RARB: variants seen among roughly 807,000 people sequenced by gnomAD.
RARB encodes the protein HBV-activated protein.
In RARB, 17 loss-of-function variants were observed where a neutral mutation model predicts 51.9. The ratio of observed to expected loss-of-function variants is 0.33; its 90% CI spans 0.22 to 0.49. RARB has a LOEUF of 0.49. Ranked by LOEUF, RARB falls within the 20% of genes least tolerant of loss-of-function variation. The pLI is 0.99. For missense variants in RARB, 369 were observed against 550.8 expected, an observed-to-expected ratio of 0.67 and a Z score of 3.30; for synonymous variants, 215 against 195.4, an observed-to-expected ratio of 1.10 and a Z score of -0.84.
intron 5 of RARB, among the ~76,000 whole-genome samples, chr3:25,357,787 G>A (rs1705791381): frequency 6.6e-6 from 1 of 152,026 alleles, no homozygotes; most frequent in Admixed American, 6.6e-5. Flanking sequence ...CCCATTTCTT[G>A]TTTTTGTCCG....
At chr3:25,278,719 A>G (rs750289391) in intron 5 of RARB, among the ~76,000 whole-genome samples, 1 of 152,186 alleles carries the variant, frequency 6.6e-6, no homozygotes, top group Non-Finnish European at 1.5e-5. Context: ...TTACAAGGCA[A>G]ATTTGCATGT....
intron 3 of RARB, among the ~76,000 whole-genome samples, chr3:25,546,311 G>C (rs1261955756): frequency 6.6e-6 from 1 of 152,212 alleles, no homozygotes; most frequent in Non-Finnish European, 1.5e-5. Context: ...TGCCACACTG[G>C]GGTGAATAGC....
At chr3:24,942,830 C>T (rs1352500554) in intron 2 of RARB, among the ~76,000 whole-genome samples, 1 of 152,154 alleles carries the variant, frequency 6.6e-6, no homozygotes, top group Non-Finnish European at 1.5e-5. Flanking sequence ...GATTCAATAT[C>T]TGAATTCATA....
intron 3 of RARB, among the ~76,000 whole-genome samples, chr3:25,519,314 A>T (rs1428660009): frequency 7.1e-6 from 1 of 140,416 alleles, no homozygotes; most frequent in Non-Finnish European, 1.5e-5. Flanking sequence ...TCACAGGGAC[A>T]CGTGTTTAAT....
chr3:25,498,062 A>G (rs2125600912), intron 2 of RARB, among the ~76,000 whole-genome samples: 1 of 152,312 alleles, frequency 6.6e-6, no homozygotes, highest in East Asian at 1.9e-4. Context: ...GTCCAGTATG[A>G]GTGAAATGAC....
chr3:25,358,639 T>C (rs1705827264), intron 5 of RARB, among the ~76,000 whole-genome samples: 1 of 152,206 alleles, frequency 6.6e-6, no homozygotes, highest in South Asian at 2.1e-4. Flanking sequence ...TCTTATTATT[T>C]TGAGATATGT....
intron 3 of RARB, among the ~76,000 whole-genome samples, chr3:25,130,012 C>T (rs1444295636): frequency 1.3e-5 from 2 of 152,036 alleles, no homozygotes; most frequent in Non-Finnish European, 2.9e-5. Flanking sequence ...CGTGGAGTAT[C>T]TTTAGGAAGA....
rs371423964 is a variant in RARB at position 25,468,118 on chromosome 3, ACTT to A, written c.306+6783_306+6785del. Among the ~76,000 whole-genome samples the A allele has an allele frequency of 2.6e-4, 39 of 152,266 alleles. No homozygotes were observed. In the East Asian group the frequency reaches 5.2e-3, roughly 20 times the overall value. On this transcript the variant is annotated intron_variant, in intron 2 of 7. Transcript: ENST00000330688. ...ACACTTGGATTCTCGGAGCATTTCT[ACTT>A]CTTCTGGCTATGTCCATTGACTTCT...
At chr3:25,059,192 T>G (rs1485843379) in intron 2 of RARB, among the ~76,000 whole-genome samples, 3 of 151,886 alleles carry the variant, frequency 2.0e-5, no homozygotes, top group Non-Finnish European at 4.4e-5. Flanking sequence ...TTAATTACAT[T>G]GTTGCATCTC....
intron 2 of RARB, among the ~76,000 whole-genome samples, chr3:24,991,758 G>GGT (rs1346824538): frequency 1.3e-5 from 2 of 149,834 alleles, no homozygotes; most frequent in Non-Finnish European, 3.0e-5. Flanking sequence ...CCATATGGAG[G>GGT]GTGTTTTTTT....
intron 1 of RARB, among the ~76,000 whole-genome samples, chr3:25,441,773 A>C (rs774572274): frequency 6.6e-6 from 1 of 152,000 alleles, no homozygotes; most frequent in South Asian, 2.1e-4. Context: ...CTCCTTTTGC[A>C]TATGTTTGTT....
intron 2 of RARB, among the ~76,000 whole-genome samples, chr3:25,053,114 G>A (rs754762606): frequency 1.3e-5 from 2 of 152,134 alleles, no homozygotes; most frequent in African/African-American, 2.4e-5. Flanking sequence ...GGAGTAGGCT[G>A]AGGGGGAGAG....
At position 25,428,920 on chromosome 3, in the gene RARB, GA is replaced by G. The variant is rs538896356; in HGVS notation, c.157+42del. ...TTATTTTTTTCCCTTCTTCTACCAA[GA>G]AAAAAAAAATTGTCTCTCTTGCATG... On this transcript the variant is annotated intron_variant, in intron 1 of 7. Transcript: ENST00000330688. 4.5e-4 allele frequency: 658 copies of G among 1,469,710 alleles called. 1 individual carries two copies. Among genetic ancestry groups the G allele is most frequent in the South Asian group, 1.2e-3 (93 of 75,832 alleles). 91.0% of individuals were successfully genotyped at this position (1,469,710 alleles called of 1,614,324 possible).
chr3:25,149,500 C>A (rs1355955207), intron 4 of RARB, among the ~76,000 whole-genome samples: 1 of 152,200 alleles, frequency 6.6e-6, no homozygotes, highest in Admixed American at 6.5e-5. Context: ...CTCACAAACG[C>A]ATTGCCAAAG....
intron 2 of RARB, among the ~76,000 whole-genome samples, chr3:24,960,242 T>C (rs913159624): frequency 1.3e-5 from 2 of 152,220 alleles, no homozygotes; most frequent in African/African-American, 4.8e-5. Flanking sequence ...TATCAGATGG[T>C]TGCCTTTAAA....
intron 2 of RARB, among the ~76,000 whole-genome samples, chr3:24,964,139 C>G (rs147156817): frequency 5.3e-5 from 8 of 151,898 alleles, no homozygotes; most frequent in African/African-American, 9.7e-5. Flanking sequence ...TCCACCCCCC[C>G]ACCCCACATA....
rs544013828 is a variant in RARB at position 25,383,234 on chromosome 3, G to A, written c.179-77959G>A. Among the ~76,000 whole-genome samples, 20 of 152,296 alleles carry A rather than the reference G, an allele frequency of 1.3e-4. 1 individual carries two copies. The South Asian group carries it at 4.1e-3, about 32-fold the overall frequency. On this transcript the variant is annotated intron_variant, in intron 5 of 11. Transcript: ENST00000383772. ...ACAAAATGAGTCATAGAGCCAAGGT[G>A]AGAACCCATGTCCTCTGAATTGTGA... is the stretch of plus-strand genomic sequence containing the variant.
chr3:25,125,250 A>C (rs1699842962), intron 3 of RARB, among the ~76,000 whole-genome samples: 1 of 152,214 alleles, frequency 6.6e-6, no homozygotes, highest in African/African-American at 2.4e-5. Context: ...GGAGGTAATC[A>C]GTGGAGCAGA....
At chr3:24,909,114 T>C (rs1187977490) in intron 2 of RARB, among the ~76,000 whole-genome samples, 1 of 152,208 alleles carries the variant, frequency 6.6e-6, no homozygotes, top group Non-Finnish European at 1.5e-5. Flanking sequence ...AATGGCCTTT[T>C]GGTGGAGTAG....
Sources: allele counts gnomAD v4.1 joint callset (sites outside exome capture counted in the v4.1 genomes callset), GRCh38; gene constraint gnomAD v4.1.1; transcripts MANE v1.5; gene names NCBI Gene and HGNC (gene_info 2026-07-23, HGNC 2026-07-21).